TJP1: variants seen among roughly 807,000 people sequenced by gnomAD.
TJP1 encodes the protein tight junction protein 1.
Under a neutral mutation model 194.2 loss-of-function variants are expected in TJP1, and 43 were observed. That is an observed-to-expected ratio of 0.22 (90% confidence interval 0.17 to 0.29). TJP1 has a LOEUF of 0.29. TJP1 is among the 10% of genes least tolerant of loss of function. The pLI is 1.00. For missense variants in TJP1, 1,971 were observed against 2,185.7 expected, an observed-to-expected ratio of 0.90 and a Z score of 1.96; for synonymous variants, 801 against 779.0, an observed-to-expected ratio of 1.03 and a Z score of -0.47.
intron 8 of TJP1, among the ~76,000 whole-genome samples, chr15:29,751,772 A>T (rs553375724): frequency 2.0e-5 from 3 of 152,362 alleles, no homozygotes; most frequent in African/African-American, 4.8e-5. Flanking sequence ...TCTCACATTT[A>T]AAAAATCTGC....
chr15:29,891,382 A>G (rs2053303105), intron 2 of TJP1, among the ~76,000 whole-genome samples: 1 of 152,236 alleles, frequency 6.6e-6, no homozygotes, highest in African/African-American at 2.4e-5. Flanking sequence ...TGCAGTAAAA[A>G]TGTAAAATGT....
intron 2 of TJP1, among the ~76,000 whole-genome samples, chr15:29,890,592 A>G (rs1194956750): frequency 6.6e-6 from 1 of 152,226 alleles, no homozygotes; most frequent in Non-Finnish European, 1.5e-5. Context: ...TCTGGTAAAT[A>G]TGGCCTGGAA....
chr15:29,915,102 G>A (rs910364815), intron 2 of TJP1, among the ~76,000 whole-genome samples: 4 of 152,130 alleles, frequency 2.6e-5, no homozygotes, highest in African/African-American at 9.7e-5. Context: ...TCTGTAAAAA[G>A]GAGGAAGGAA....
chr15:29,768,373 T>C (rs1172985221), intron 4 of TJP1, among the ~76,000 whole-genome samples: 1 of 152,224 alleles, frequency 6.6e-6, no homozygotes, highest in Non-Finnish European at 1.5e-5. Flanking sequence ...AGCTGCCTGC[T>C]TTTACATCTC....
At chr15:29,901,920 CAT>C (rs991008105) in intron 2 of TJP1, among the ~76,000 whole-genome samples, 1 of 151,642 alleles carries the variant, frequency 6.6e-6, no homozygotes, top group African/African-American at 2.4e-5. Context: ...ATACTGTTCT[CAT>C]ATACTTTGTA....
rs748800212 is a variant in TJP1 at position 29,766,235 on chromosome 15, GA to G, written c.589+30del. 5 of 1,587,384 alleles carry G rather than the reference GA, an allele frequency of 3.1e-6. No homozygotes were observed. In the South Asian group the frequency reaches 4.6e-5, roughly 15 times the overall value. On this transcript the variant is annotated intron_variant, in intron 5 of 27. Coordinates refer to ENST00000614355, the MANE Select transcript of TJP1 (RefSeq NM_001330239.4). The stretch of plus-strand genomic sequence containing the variant: ...TAAAATTAGTTTTAAATTTTCATGT[GA>G]AAAAAACAGCAAGAGTTGGCAGAGA...
At chr15:29,923,229 A>C (rs2054421424) in intron 2 of TJP1, among the ~76,000 whole-genome samples, 1 of 152,234 alleles carries the variant, frequency 6.6e-6, no homozygotes, top group Non-Finnish European at 1.5e-5. Flanking sequence ...AGCAGTTTTC[A>C]AAAGAGTGAA....
chr15:29,830,308 G>T (rs1034489963), intron 2 of TJP1, among the ~76,000 whole-genome samples: 3 of 150,226 alleles, frequency 2.0e-5, no homozygotes, highest in African/African-American at 7.3e-5. Flanking sequence ...ACACATGTCA[G>T]AATAATATTA....
At position 29,879,242 on chromosome 15, in the gene TJP1, T is replaced by C. The variant is rs959318713; in HGVS notation, c.306+76990A>G. Among the ~76,000 whole-genome samples, 49 of 152,226 alleles carry C rather than the reference T, an allele frequency of 3.2e-4. 1 individual carries two copies. On this transcript the variant is annotated intron_variant, in intron 2 of 28. Coordinates refer to the TJP1 transcript ENST00000356107. Reference sequence around the variant, plus strand: ...AAAATAGGCTAAAGAGAGGATCAAGTACAGTTTCCGTGGGGAAGAACATCT... The same window carrying C: ...AAAATAGGCTAAAGAGAGGATCAAGCACAGTTTCCGTGGGGAAGAACATCT...
rs75377305 is a variant in TJP1, at chr15:29,946,799, T to C, written c.306+9433A>G. 3.3e-5 allele frequency among the ~76,000 whole-genome samples: 5 copies of C among 152,312 alleles called. No individual in the cohort carries two copies. In the East Asian group the frequency reaches 9.7e-4, roughly 29 times the overall value. ...CATTATGCCAGGTATTATAAAGCAA[T>C]CTAATTTTATGGCACATAAGCTGTC... is the stretch of plus-strand genomic sequence containing the variant. On this transcript the variant is annotated intron_variant, in intron 2 of 28. Coordinates refer to the TJP1 transcript ENST00000356107.
intron 2 of TJP1, among the ~76,000 whole-genome samples, chr15:29,943,895 C>A (rs183716858): frequency 6.6e-6 from 1 of 151,332 alleles, no homozygotes; most frequent in Admixed American, 6.6e-5. Flanking sequence ...TTGCAGTGAG[C>A]CAAGATTGTG....
chr15:29,831,821 ACTT>A (rs2050845896), intron 2 of TJP1, among the ~76,000 whole-genome samples: 1 of 152,220 alleles, frequency 6.6e-6, no homozygotes, highest in Admixed American at 6.5e-5. Flanking sequence ...GCTTTTAAAT[ACTT>A]CAGCAAAGAG....
chr15:29,806,986 C>T (rs1017989911), intron 1 of TJP1, among the ~76,000 whole-genome samples: 3 of 152,042 alleles, frequency 2.0e-5, no homozygotes, highest in Non-Finnish European at 4.4e-5. Context: ...ATTCAGGAAA[C>T]ATAAGAATTA....
chr15:29,807,029 T>G (rs1359605655), intron 1 of TJP1, among the ~76,000 whole-genome samples: 1 of 152,116 alleles, frequency 6.6e-6, no homozygotes, highest in Non-Finnish European at 1.5e-5. Context: ...GCAGCAACCA[T>G]AGGATAAAAG....
intron 2 of TJP1, among the ~76,000 whole-genome samples, chr15:29,827,890 G>A (rs2050723941): frequency 6.6e-6 from 1 of 152,106 alleles, no homozygotes; most frequent in Non-Finnish European, 1.5e-5. Flanking sequence ...CTCAAGAGTC[G>A]TCTGCCACAA....
At chr15:29,844,259 G>A (rs2051331310) in intron 2 of TJP1, among the ~76,000 whole-genome samples, 3 of 152,126 alleles carry the variant, frequency 2.0e-5, no homozygotes. Flanking sequence ...AGTAGAGACA[G>A]GGTTTCATCA....
At chr15:29,794,261 G>A (rs2048273009) in intron 2 of TJP1, among the ~76,000 whole-genome samples, 1 of 152,122 alleles carries the variant, frequency 6.6e-6, no homozygotes, top group African/African-American at 2.4e-5. Flanking sequence ...TCTGTGATGA[G>A]GCTCAGAGGA....
intron 2 of TJP1, among the ~76,000 whole-genome samples, chr15:29,889,244 G>A (rs924109649): frequency 1.3e-4 from 20 of 152,296 alleles, no homozygotes; most frequent in Middle Eastern, 6.8e-3. Context: ...AATTTATTAA[G>A]TTTGTAAATA....
At chr15:29,758,585 T>C (rs1189684402) in intron 8 of TJP1, among the ~76,000 whole-genome samples, 1 of 152,196 alleles carries the variant, frequency 6.6e-6, no homozygotes, top group Non-Finnish European at 1.5e-5. Context: ...TTGATTCAGA[T>C]TGCGTTATTT....
Sources: allele counts gnomAD v4.1 joint callset (sites outside exome capture counted in the v4.1 genomes callset), GRCh38; gene constraint gnomAD v4.1.1; transcripts MANE v1.5; gene names NCBI Gene and HGNC (gene_info 2026-07-23, HGNC 2026-07-21).